SLC9A8: variants seen among roughly 807,000 people sequenced by gnomAD.
SLC9A8 encodes the protein sodium/hydrogen exchanger 8.
In SLC9A8, 48 loss-of-function variants were observed where a neutral mutation model predicts 66.6. The observed-to-expected ratio is 0.72, with a 90% CI of 0.57 to 0.92. SLC9A8 has a LOEUF of 0.92. SLC9A8 is among the 40% of genes least tolerant of loss of function. The probability of loss-of-function intolerance (pLI) is 0.00; values close to 1 mark genes in which losing one functional copy is unlikely to be tolerated. For missense variants in SLC9A8, 599 were observed against 747.3 expected (o/e 0.80, Z 2.31); for synonymous variants, 274 against 282.6 (o/e 0.97, Z 0.31).
At chr20:49,840,370 T>A (rs2087710933) in intron 4 of SLC9A8, among the ~76,000 whole-genome samples, 1 of 152,090 alleles carries the variant, frequency 6.6e-6, no homozygotes, top group African/African-American at 2.4e-5. Flanking sequence ...CAAAATTGAT[T>A]TTGTGGAGGG....
Position 49,846,520 on chromosome 20 carries a change from C to T in SLC9A8, c.432+1401C>T, listed in dbSNP as rs901912521. Among the ~76,000 whole-genome samples, 4 of 150,792 alleles carry T rather than the reference C, an allele frequency of 2.7e-5. No individual in the cohort carries two copies. The South Asian group carries it at 8.5e-4, about 32-fold the overall frequency. On this transcript the variant is annotated intron_variant, in intron 5 of 15. Coordinates refer to ENST00000361573, the MANE Select transcript of SLC9A8 (RefSeq NM_015266.3). The stretch of plus-strand genomic sequence containing the variant: ...GAAAGAACGTAGGCAAAGCACCACC[C>T]ACCACACTAAATAAATGAAGTGCTG...
At chr20:49,836,067 G>T (rs914249168) in intron 3 of SLC9A8, among the ~76,000 whole-genome samples, 2 of 152,122 alleles carry the variant, frequency 1.3e-5, no homozygotes, top group African/African-American at 4.8e-5. Flanking sequence ...ACCTCAAAAA[G>T]AAACCACATG....
intron 2 of SLC9A8, among the ~76,000 whole-genome samples, chr20:49,816,362 G>A (rs2086547681): frequency 6.6e-6 from 1 of 152,032 alleles, no homozygotes. Flanking sequence ...GGAGGCTGCG[G>A]TGAGCCAAGA....
chr20:49,850,782 CTG>C (rs750214709), intron 6 of SLC9A8, 26 bp from the exon 7 acceptor site: 4 of 1,605,484 alleles, frequency 2.5e-6, no homozygotes, highest in East Asian at 4.5e-5. Context: ...TTGTGTGTGT[CTG>C]TGTGTTTGTG....
intron 10 of SLC9A8, among the ~76,000 whole-genome samples, chr20:49,873,039 C>A (rs995921391): frequency 6.6e-6 from 1 of 152,096 alleles, no homozygotes; most frequent in Non-Finnish European, 1.5e-5. Flanking sequence ...GGACGAATGT[C>A]GAGGCTCAAA....
At chr20:49,865,045 A>C (rs1049968781) in intron 10 of SLC9A8, among the ~76,000 whole-genome samples, 4 of 152,204 alleles carry the variant, frequency 2.6e-5, no homozygotes, top group African/African-American at 9.7e-5. Context: ...AAACAGTCAC[A>C]TTGGTGTCAC....
At chr20:49,866,787 C>T (rs1255823729) in intron 10 of SLC9A8, among the ~76,000 whole-genome samples, 1 of 152,138 alleles carries the variant, frequency 6.6e-6, no homozygotes, top group African/African-American at 2.4e-5. Context: ...CCACAATATG[C>T]TTTGCCTTTT....
chr20:49,846,341 T>C (rs1334713692), intron 5 of SLC9A8, among the ~76,000 whole-genome samples: 2 of 151,956 alleles, frequency 1.3e-5, no homozygotes, highest in African/African-American at 4.8e-5. Context: ...ACTGTGAAGA[T>C]TGGAAAGTTT....
At position 49,884,293 on chromosome 20, in the gene SLC9A8, C is replaced by CACACG. The variant is rs1206610027; in HGVS notation, c.1491+231_1491+232insGACAC. 769 of 282,932 alleles carry CACACG rather than the reference C, an allele frequency of 2.7e-3. 62 individuals carry two copies. The East Asian group carries it at 0.044, about 16-fold the overall frequency. 17.5% of individuals were successfully genotyped at this position (282,932 alleles called of 1,614,324 possible). On this transcript the variant is annotated intron_variant, in intron 14 of 15. Transcript: ENST00000361573. ...ACACACGACACACACACACACGACACACACACACACACACACACACACACA... is the reference window on the plus strand; with the variant it reads ...ACACACGACACACACACACACGACACACACGACACACACACACACACACACACACA...
intron 10 of SLC9A8, among the ~76,000 whole-genome samples, chr20:49,871,673 G>C (rs555638569): frequency 7.9e-5 from 12 of 152,084 alleles, no homozygotes; most frequent in African/African-American, 2.9e-4. Flanking sequence ...TTTTGTGCCT[G>C]CTGCTGACCC....
intron 7 of SLC9A8, among the ~76,000 whole-genome samples, chr20:49,854,737 G>A (rs976342887): frequency 1.3e-5 from 2 of 152,218 alleles, no homozygotes; most frequent in Non-Finnish European, 2.9e-5. Flanking sequence ...CATTGGGGCA[G>A]TAGTAGCAGT....
intron 13 of SLC9A8, among the ~76,000 whole-genome samples, chr20:49,882,962 C>G (rs1200066584): frequency 1.3e-5 from 2 of 152,008 alleles, no homozygotes; most frequent in East Asian, 3.9e-4. Flanking sequence ...TCCCCGCTTT[C>G]CTGTCTGGGG....
chr20:49,838,312 T>A (rs1251863928), intron 3 of SLC9A8, among the ~76,000 whole-genome samples: 1 of 152,174 alleles, frequency 6.6e-6, no homozygotes, highest in Non-Finnish European at 1.5e-5. Context: ...TAAAATGTAA[T>A]TACAACCTGA....
rs1242186019 is a variant in SLC9A8 at position 49,884,217 on chromosome 20, CACACACACACACACACACACACACG to C, written c.1491+168_1491+192del. 740 of 344,390 alleles carry C rather than the reference CACACACACACACACACACACACACG, an allele frequency of 2.1e-3. 8 individuals are homozygous for C. Among genetic ancestry groups the C allele is most frequent in the East Asian group, 3.3e-3 (67 of 20,176 alleles). 21.3% of individuals were successfully genotyped at this position (344,390 alleles called of 1,614,324 possible). ...CACACACGACACACACACACACACA[CACACACACACACACACACACACACG>C]ACACACACACACACACGACACACAC... On this transcript the variant is annotated intron_variant, in intron 14 of 15. Coordinates refer to ENST00000361573, the MANE Select transcript of SLC9A8 (RefSeq NM_015266.3).
chr20:49,847,360 GAGCATGTA>G (rs2088040209), intron 5 of SLC9A8, among the ~76,000 whole-genome samples: 1 of 149,842 alleles, frequency 6.7e-6, no homozygotes, highest in Admixed American at 6.7e-5. Context: ...TTGAATATTA[GAGCATGTA>G]AAGTTTTTCT....
rs943173521 is a variant in SLC9A8 at position 49,891,304 on chromosome 20, A to C, written c.*3368A>C. On this transcript the variant is annotated 3_prime_UTR_variant, in exon 16 of 16. Coordinates refer to ENST00000361573, the MANE Select transcript of SLC9A8 (RefSeq NM_015266.3). ...CGGGTAGGAAACCCTGAGCTTCCTG[A>C]TGCGGAGTCATGAAGCAGAGTCCTC... 1.3e-5 allele frequency: 2 copies of C among 151,992 alleles called. No homozygotes were observed. Among genetic ancestry groups the C allele is most frequent in the Non-Finnish European group, 2.9e-5 (2 of 68,014 alleles). The allele number at this position is 151,992 out of a possible 1,614,324, so 9.4% of individuals were successfully genotyped here. A position where few individuals can be genotyped will look rare whatever the true frequency, so the allele number is the denominator to read the frequency against.
chr20:49,839,189 C>T (rs185036555), intron 3 of SLC9A8, among the ~76,000 whole-genome samples: 4 of 152,256 alleles, frequency 2.6e-5, no homozygotes, highest in East Asian at 1.9e-4. Flanking sequence ...AAACAGTACA[C>T]GGCAAACTTA....
At chr20:49,884,160 C>G in intron 14 of SLC9A8, 94 bp downstream of exon 14, 1 of 1,029,882 alleles carries the variant, frequency 9.7e-7, no homozygotes, top group South Asian at 1.3e-5. Flanking sequence ...ATGAGCCTTG[C>G]TTTCTTGCTT....
At chr20:49,862,473 G>T (rs1011487621) in intron 8 of SLC9A8, among the ~76,000 whole-genome samples, 8 of 152,112 alleles carry the variant, frequency 5.3e-5, no homozygotes, top group African/African-American at 1.4e-4. Flanking sequence ...TGTTGGCCAG[G>T]CTGGTCTGAA....
Sources: allele counts gnomAD v4.1 joint callset (sites outside exome capture counted in the v4.1 genomes callset), GRCh38; gene constraint gnomAD v4.1.1; transcripts MANE v1.5; gene names NCBI Gene and HGNC (gene_info 2026-07-23, HGNC 2026-07-21).